Variants in NTNG1 observed in about 807,000 individuals in gnomAD.
NTNG1 encodes netrin-G1.
In NTNG1, 16 loss-of-function variants were observed where a neutral mutation model predicts 54.0. The ratio of observed to expected loss-of-function variants is 0.30; its 90% CI spans 0.20 to 0.45. The LOEUF is 0.45. Among genes scored for constraint, NTNG1 ranks in the 20% least tolerant of loss-of-function variants. NTNG1 has a pLI of 1.00. For synonymous variants in NTNG1, 255 were observed against 263.1 expected (o/e 0.97, Z 0.30); for missense variants, 530 against 678.7 (o/e 0.78, Z 2.43).
At chr1:107,259,062 G>A (rs887878287) in intron 2 of NTNG1, among the ~76,000 whole-genome samples, 4 of 152,044 alleles carry the variant, frequency 2.6e-5, no homozygotes, top group Non-Finnish European at 5.9e-5. Context: ...TGATAATAGA[G>A]GCAGGAAAGT....
At chr1:107,329,774 A>G (rs1419258090) in intron 3 of NTNG1, among the ~76,000 whole-genome samples, 2 of 152,090 alleles carry the variant, frequency 1.3e-5, no homozygotes, top group African/African-American at 4.8e-5. Context: ...TCTGTCATCC[A>G]TAAATACTTA....
intron 3 of NTNG1, among the ~76,000 whole-genome samples, chr1:107,326,278 A>G (rs980146608): frequency 2.6e-5 from 4 of 152,220 alleles, no homozygotes; most frequent in Admixed American, 2.0e-4. Context: ...TTTGACCAAG[A>G]TCTTGGTGGT....
At chr1:107,480,569 T>TGCCCCCCCCCCCC in intron 7 of NTNG1, 42 bp from the exon 8 acceptor site, 2 of 609,594 alleles carry the variant, frequency 3.3e-6, no homozygotes, top group Non-Finnish European at 6.2e-6. Context: ...CTGCTTCTCC[T>TGCCCCCCCCCCCC]CCCCGCGCCC....
rs76708102 is a variant in NTNG1, at chr1:107,295,949, A to G, written c.247-28333A>G. On this transcript the variant is annotated intron_variant, in intron 2 of 7. Transcript: ENST00000370068. ...CACTTTCAGTCTCTTGTAACTTCAT[A>G]TGCCCTTGACCCATTCTTTCCTTAT... 1.0e-3 allele frequency among the ~76,000 whole-genome samples: 155 copies of G among 152,188 alleles called. No individual in the cohort carries two copies. The East Asian group carries it at 0.028, about 27-fold the overall frequency.
chr1:107,334,614 GA>G (rs199931875), intron 3 of NTNG1, among the ~76,000 whole-genome samples: 28 of 145,248 alleles, frequency 1.9e-4, no homozygotes, highest in East Asian at 4.0e-4. Context: ...TTTTAGAACT[GA>G]AAAAAAAAAC....
intron 5 of NTNG1, chr1:107,408,965 G>A (rs113811324): frequency 6.6e-6 from 1 of 152,224 alleles, no homozygotes; most frequent in African/African-American, 2.4e-5. Context: ...TTGTGAATAG[G>A]CCTGGACACT....
intron 2 of NTNG1, among the ~76,000 whole-genome samples, chr1:107,253,311 G>C (rs1017612654): frequency 6.6e-5 from 10 of 152,162 alleles, no homozygotes; most frequent in Admixed American, 6.5e-4. Context: ...CTCCAATAAA[G>C]GTTTGGTCTT....
chr1:107,378,852 G>T (rs772396530), intron 3 of NTNG1, among the ~76,000 whole-genome samples: 1 of 152,126 alleles, frequency 6.6e-6, no homozygotes, highest in Non-Finnish European at 1.5e-5. Context: ...CCAATCAATG[G>T]TGACTGCACA....
rs1489599975 is a variant in NTNG1 at position 107,481,014 on chromosome 1, C to T, written c.*174C>T. ...ATTTATCACCCGTGGACAGCACATC[C>T]GAGTCAAGACTGTTAATTTCTGACT... On this transcript the variant is annotated 3_prime_UTR_variant, in exon 8 of 8. Transcript: ENST00000370068. The T allele has an allele frequency of 2.0e-5, 11 of 557,288 alleles. No individual in the cohort carries two copies. Among genetic ancestry groups the T allele is most frequent in the Admixed American group, 9.3e-5 (3 of 32,280 alleles). 34.5% of individuals were successfully genotyped at this position (557,288 alleles called of 1,614,324 possible). A position where few individuals can be genotyped will look rare whatever the true frequency, so the allele number is the denominator to read the frequency against.
chr1:107,377,258 A>G (rs928556301), intron 3 of NTNG1, among the ~76,000 whole-genome samples: 1 of 152,224 alleles, frequency 6.6e-6, no homozygotes, highest in Admixed American at 6.5e-5. Flanking sequence ...CCCAGGAGGC[A>G]TCATGCAGTA....
At chr1:107,434,377 A>G (rs566421724) in intron 6 of NTNG1, among the ~76,000 whole-genome samples, 2 of 152,328 alleles carry the variant, frequency 1.3e-5, no homozygotes, top group African/African-American at 4.8e-5. Context: ...CATGTCTCCA[A>G]AGATACATGT....
intron 6 of NTNG1, among the ~76,000 whole-genome samples, chr1:107,432,120 CA>C (rs1207526888): frequency 6.6e-6 from 1 of 152,098 alleles, no homozygotes; most frequent in African/African-American, 2.4e-5. Flanking sequence ...ACTTAGAGGC[CA>C]GAAAGCTAGG....
At chr1:107,376,301 G>T (rs564488510) in intron 3 of NTNG1, among the ~76,000 whole-genome samples, 1 of 152,040 alleles carries the variant, frequency 6.6e-6, no homozygotes, top group Admixed American at 6.5e-5. Context: ...CCAGCTACTC[G>T]GGAGGCTGAG....
intron 2 of NTNG1, among the ~76,000 whole-genome samples, chr1:107,240,524 T>A (rs1661757227): frequency 6.6e-6 from 1 of 152,194 alleles, no homozygotes; most frequent in Non-Finnish European, 1.5e-5. Context: ...AGTGAAGGTG[T>A]CCATTCTGCT....
At chr1:107,335,982 A>G (rs973061281) in intron 3 of NTNG1, among the ~76,000 whole-genome samples, 4 of 151,946 alleles carry the variant, frequency 2.6e-5, no homozygotes, top group Non-Finnish European at 4.4e-5. Context: ...TTGGAAGTCA[A>G]TGTTGCTAAG....
intron 3 of NTNG1, among the ~76,000 whole-genome samples, chr1:107,385,316 C>G (rs988110592): frequency 1.3e-5 from 2 of 151,986 alleles, no homozygotes; most frequent in South Asian, 4.2e-4. Flanking sequence ...CCACTACTCT[C>G]TGGTCTCTGC....
intron 2 of NTNG1, among the ~76,000 whole-genome samples, chr1:107,225,695 G>A (rs1286908600): frequency 6.6e-6 from 1 of 152,140 alleles, no homozygotes; most frequent in Non-Finnish European, 1.5e-5. Flanking sequence ...CGAATGTGGC[G>A]TCAATATGTA....
chr1:107,277,124 C>T (rs377685030), intron 2 of NTNG1, among the ~76,000 whole-genome samples: 34 of 152,294 alleles, frequency 2.2e-4, no homozygotes, highest in Admixed American at 1.6e-3. Flanking sequence ...AACAGCCAAT[C>T]GGGAATCTTC....
At chr1:107,324,090 C>T (rs547372819) in intron 2 of NTNG1, among the ~76,000 whole-genome samples, 192 bp from the exon 3 acceptor site, 4 of 150,740 alleles carry the variant, frequency 2.7e-5, no homozygotes, top group South Asian at 2.1e-4. Flanking sequence ...GGAAACAAGA[C>T]AAGAAAATTA....
Sources: gnomAD v4.1 joint callset for allele counts (sites outside exome capture counted in the v4.1 genomes callset) on GRCh38, gnomAD v4.1.1 for gene constraint, MANE v1.5 for transcripts, NCBI Gene and HGNC (gene_info 2026-07-23, HGNC 2026-07-21) for gene names.